PHACTR1: variants seen among roughly 807,000 people sequenced by gnomAD.
The protein encoded by PHACTR1 is phosphatase and actin regulator 1.
Under a neutral mutation model 69.2 loss-of-function variants are expected in PHACTR1, and 16 were observed. The ratio of observed to expected loss-of-function variants is 0.23; its 90% CI spans 0.16 to 0.35. The LOEUF is 0.35. Ranked by LOEUF, PHACTR1 falls within the 10% of genes least tolerant of loss-of-function variation. The probability of loss-of-function intolerance (pLI) is 1.00; values close to 1 mark genes in which losing one functional copy is unlikely to be tolerated. For missense variants in PHACTR1, 510 were observed against 734.7 expected, an observed-to-expected ratio of 0.69 and a Z score of 3.54; for synonymous variants, 312 against 284.5, an observed-to-expected ratio of 1.10 and a Z score of -0.97.
Position 12,944,787 on chromosome 6 carries a change from A to ATTTTTTTTT in PHACTR1, c.251-108573_251-108565dup, listed in dbSNP as rs67157877. On this transcript the variant is annotated intron_variant, in intron 4 of 14. Transcript: ENST00000332995. ...TTTATTTATTTATTTATTTTTATTT[A>ATTTTTTTTT]TTTTTTTTTTTTTGAGACGGAGTCT... is the stretch of plus-strand genomic sequence containing the variant. Among the ~76,000 whole-genome samples the ATTTTTTTTT allele has an allele frequency of 9.5e-5, 11 of 116,392 alleles. No homozygotes were observed. The South Asian group carries it at 1.5e-3, about 16-fold the overall frequency. 76.4% of individuals were successfully genotyped at this position (116,392 alleles called of 152,430 possible).
chr6:12,764,336 G>A (rs1313705263), intron 4 of PHACTR1, among the ~76,000 whole-genome samples: 1 of 152,112 alleles, frequency 6.6e-6, no homozygotes, highest in African/African-American at 2.4e-5. Context: ...GGTTGCCACA[G>A]GTCTTTATTC....
intron 3 of PHACTR1, among the ~76,000 whole-genome samples, chr6:12,739,645 C>A (rs536635809): frequency 5.9e-5 from 9 of 152,182 alleles, no homozygotes; most frequent in Non-Finnish European, 1.0e-4. Flanking sequence ...TACAAGCGAT[C>A]CTCCCGTCTC....
intron 8 of PHACTR1, among the ~76,000 whole-genome samples, chr6:13,223,586 G>A (rs1454861508): frequency 6.6e-6 from 1 of 152,178 alleles, no homozygotes; most frequent in Admixed American, 6.5e-5. Flanking sequence ...TTAGTCAGGT[G>A]TGTGTTTTAT....
At chr6:13,038,249 A>T (rs1208495785) in intron 4 of PHACTR1, among the ~76,000 whole-genome samples, 1 of 152,192 alleles carries the variant, frequency 6.6e-6, no homozygotes, top group African/African-American at 2.4e-5. Context: ...TTACACAGCT[A>T]GTAAGAACTG....
chr6:12,809,823 T>C (rs1774818915), intron 4 of PHACTR1, among the ~76,000 whole-genome samples: 1 of 152,202 alleles, frequency 6.6e-6, no homozygotes, highest in Admixed American at 6.5e-5. Flanking sequence ...AAAAATAAAT[T>C]GTATCAAAAA....
intron 3 of PHACTR1, among the ~76,000 whole-genome samples, chr6:12,719,214 C>T (rs1561812933): frequency 6.6e-6 from 1 of 152,206 alleles, no homozygotes; most frequent in Non-Finnish European, 1.5e-5. Flanking sequence ...GGCATCATGA[C>T]CCAGTGGACT....
chr6:13,219,635 C>T (rs1768284634), intron 8 of PHACTR1, among the ~76,000 whole-genome samples: 1 of 152,188 alleles, frequency 6.6e-6, no homozygotes, highest in Non-Finnish European at 1.5e-5. Flanking sequence ...ATGTGCTACT[C>T]ACACAAAACT....
chr6:12,778,214 G>T (rs1434648332), intron 4 of PHACTR1, among the ~76,000 whole-genome samples: 1 of 152,212 alleles, frequency 6.6e-6, no homozygotes, highest in African/African-American at 2.4e-5. Context: ...GTTATAAACT[G>T]ATTCTGAGAG....
At chr6:13,118,978 A>C (rs1347515889) in intron 5 of PHACTR1, among the ~76,000 whole-genome samples, 2 of 152,216 alleles carry the variant, frequency 1.3e-5, no homozygotes, top group Non-Finnish European at 2.9e-5. Flanking sequence ...GAGAGTTCCT[A>C]TGAGTCAAAA....
chr6:13,136,733 C>G (rs1474048253), intron 5 of PHACTR1, among the ~76,000 whole-genome samples: 1 of 152,150 alleles, frequency 6.6e-6, no homozygotes, highest in Non-Finnish European at 1.5e-5. Flanking sequence ...TTAACTGGCC[C>G]AGTTTCAATA....
chr6:12,819,004 G>A (rs1487225721), intron 4 of PHACTR1, among the ~76,000 whole-genome samples: 1 of 152,178 alleles, frequency 6.6e-6, no homozygotes, highest in East Asian at 1.9e-4. Flanking sequence ...AACATTTGAA[G>A]CAAACAAAAC....
At chr6:13,079,464 C>T (rs2127793100) in intron 5 of PHACTR1, among the ~76,000 whole-genome samples, 1 of 152,144 alleles carries the variant, frequency 6.6e-6, no homozygotes, top group East Asian at 1.9e-4. Context: ...TTTCATTGCC[C>T]TCCCAATCTC....
At chr6:12,896,753 C>T (rs942198785) in intron 4 of PHACTR1, among the ~76,000 whole-genome samples, 2 of 152,142 alleles carry the variant, frequency 1.3e-5, no homozygotes, top group African/African-American at 4.8e-5. Flanking sequence ...ATTGACGGTT[C>T]GTTATATGTA....
chr6:12,849,252 T>C (rs1779587510), intron 4 of PHACTR1, among the ~76,000 whole-genome samples: 1 of 152,202 alleles, frequency 6.6e-6, no homozygotes, highest in African/African-American at 2.4e-5. Context: ...AAGACTTAAG[T>C]GCAGAGCCCT....
chr6:13,172,256 C>T (rs1162294551), intron 6 of PHACTR1, among the ~76,000 whole-genome samples: 1 of 152,088 alleles, frequency 6.6e-6, no homozygotes, highest in Non-Finnish European at 1.5e-5. Context: ...TATCAAAATG[C>T]CCAGAAATAG....
intron 4 of PHACTR1, among the ~76,000 whole-genome samples, chr6:12,830,623 C>G (rs1250882336): frequency 2.6e-5 from 4 of 151,650 alleles, no homozygotes; most frequent in Admixed American, 2.6e-4. Flanking sequence ...GAGTTTCACT[C>G]TTGTTGCCCA....
intron 4 of PHACTR1, among the ~76,000 whole-genome samples, chr6:12,906,860 G>C (rs1047584217): frequency 6.6e-6 from 1 of 152,122 alleles, no homozygotes; most frequent in African/African-American, 2.4e-5. Flanking sequence ...AGAGAAATTA[G>C]GCTTTCTGAT....
chr6:13,135,585 T>C (rs1006371737), intron 5 of PHACTR1, among the ~76,000 whole-genome samples: 2 of 152,250 alleles, frequency 1.3e-5, no homozygotes, highest in Non-Finnish European at 2.9e-5. Context: ...CCACAGGTCT[T>C]AATCACTTTG....
At chr6:12,826,649 C>A (rs963015120) in intron 4 of PHACTR1, among the ~76,000 whole-genome samples, 1 of 152,182 alleles carries the variant, frequency 6.6e-6, no homozygotes, top group African/African-American at 2.4e-5. Flanking sequence ...TTACAAACTT[C>A]ATTACTTTAA....
Sources: allele counts gnomAD v4.1 joint callset (sites outside exome capture counted in the v4.1 genomes callset), GRCh38; gene constraint gnomAD v4.1.1; transcripts MANE v1.5; gene names NCBI Gene and HGNC (gene_info 2026-07-23, HGNC 2026-07-21).